The following DAB2IP variants were observed in gnomAD, a reference collection of about 807,000 sequenced individuals.
DAB2IP encodes disabled homolog 2-interacting protein.
In DAB2IP, 28 loss-of-function variants were observed where a neutral mutation model predicts 107.2. That is an observed-to-expected ratio of 0.26 (90% CI 0.19 to 0.36). The LOEUF is 0.36. Among genes scored for constraint, DAB2IP ranks in the 10% least tolerant of loss-of-function variants. The pLI is 1.00. For synonymous variants in DAB2IP, 755 were observed against 706.4 expected, an observed-to-expected ratio of 1.07 and a Z score of -1.09; for missense variants, 1,400 against 1,644.7, an observed-to-expected ratio of 0.85 and a Z score of 2.57.
rs868760004 is a variant in DAB2IP, at chr9:121,672,368, G to C, written c.125-6310G>C. Among the ~76,000 whole-genome samples, 10 of 152,266 alleles carry C rather than the reference G, an allele frequency of 6.6e-5. No individual in the cohort carries two copies. The South Asian group carries it at 2.1e-3, about 32-fold the overall frequency. On this transcript the variant is annotated intron_variant, in intron 1 of 15. Coordinates refer to ENST00000408936, the Ensembl canonical transcript of DAB2IP. ...CGATGCAACCCGACAACTGAAATTT[G>C]GTGTCTTGTCTGAAATTACAGGATG...
At chr9:121,596,564 C>T (rs1830535243) in intron 1 of DAB2IP, among the ~76,000 whole-genome samples, 1 of 152,098 alleles carries the variant, frequency 6.6e-6, no homozygotes. Flanking sequence ...TGATGTTCTG[C>T]AACATGTTCT....
chr9:121,642,039 C>CTTTCTTTCTTTA (rs1832363891), intron 1 of DAB2IP, among the ~76,000 whole-genome samples: 1 of 36,324 alleles, frequency 2.8e-5, no homozygotes, highest in East Asian at 1.1e-3. Flanking sequence ...CTCTTTCTTT[C>CTTTCTTTCTTTA]TTTCTTTCTT....
At chr9:121,649,347 C>G (rs1832657497), upstream of DAB2IP, among the ~76,000 whole-genome samples, 2 of 142,452 alleles carry the variant, frequency 1.4e-5, 1 homozygote, top group Non-Finnish European at 3.2e-5. Context: ...ACCTTTGGAG[C>G]CCAGCTGTGC....
intron 3 of DAB2IP, among the ~76,000 whole-genome samples, chr9:121,704,038 C>T (rs1829931410): frequency 6.6e-6 from 1 of 152,176 alleles, no homozygotes; most frequent in Admixed American, 6.5e-5. Flanking sequence ...TTCATTGTTC[C>T]ATCTTCCGTT....
chr9:121,781,411 C>T, intron 14 of DAB2IP, 53 bp from the exon 15 acceptor site: 1 of 1,577,074 alleles, frequency 6.3e-7, no homozygotes, highest in South Asian at 1.1e-5. Context: ...TCACACCCTC[C>T]CCACCTCTGC....
intron 3 of DAB2IP, among the ~76,000 whole-genome samples, chr9:121,749,112 C>T (rs1832921873): frequency 6.6e-6 from 1 of 152,202 alleles, no homozygotes; most frequent in Non-Finnish European, 1.5e-5. Flanking sequence ...CTGGGAGCCA[C>T]CAGGCGGCTG....
intron 1 of DAB2IP, among the ~76,000 whole-genome samples, chr9:121,677,279 G>A (rs1326308417): frequency 6.6e-6 from 1 of 152,206 alleles, no homozygotes; most frequent in Non-Finnish European, 1.5e-5. Flanking sequence ...AGCACTTTGG[G>A]AGGCCAAGGT....
At position 121,744,836 on chromosome 9, in the gene DAB2IP, G is replaced by C. The variant is rs138640674; in HGVS notation, c.363-12177G>C. Among the ~76,000 whole-genome samples the C allele has an allele frequency of 5.9e-3, 901 of 152,282 alleles. 12 individuals carry two copies. Among genetic ancestry groups the C allele is most frequent in the African/African-American group, 0.021 (861 of 41,564 alleles). On this transcript the variant is annotated intron_variant, in intron 3 of 15. Coordinates refer to ENST00000408936, the Ensembl canonical transcript of DAB2IP. Reference sequence around the variant, plus strand: ...AACCCTGGAGGGAGTTGTCAGTTCTGGGGGAGGCTTTGTGGAGGTGGTGGC... The same window carrying C: ...AACCCTGGAGGGAGTTGTCAGTTCTCGGGGAGGCTTTGTGGAGGTGGTGGC...
chr9:121,731,543 G>A (rs1157949213), intron 3 of DAB2IP, among the ~76,000 whole-genome samples: 2 of 152,220 alleles, frequency 1.3e-5, no homozygotes, highest in African/African-American at 2.4e-5. Flanking sequence ...GTTACATGGG[G>A]AAGTGGGAAC....
At chr9:121,781,518 T>C in exon 15 of DAB2IP, 1 of 1,614,032 alleles carries the variant, frequency 6.2e-7, no homozygotes, top group Non-Finnish European at 8.5e-7. Context: ...TGCAAGCGGC[T>C]GTGGACTCCA....
At chr9:121,712,356 C>G (rs1245210550) in intron 3 of DAB2IP, among the ~76,000 whole-genome samples, 1 of 152,210 alleles carries the variant, frequency 6.6e-6, no homozygotes, top group Non-Finnish European at 1.5e-5. Flanking sequence ...TGTTGTGGGG[C>G]TTAGCCCTCT....
intron 3 of DAB2IP, among the ~76,000 whole-genome samples, chr9:121,742,295 G>A (rs2118899171): frequency 6.6e-6 from 1 of 152,318 alleles, no homozygotes. Flanking sequence ...CAGGTGTGGT[G>A]GCCCATGCCT....
chr9:121,767,478 C>T (rs1443504610), intron 9 of DAB2IP, among the ~76,000 whole-genome samples: 1 of 152,178 alleles, frequency 6.6e-6, no homozygotes, highest in African/African-American at 2.4e-5. Flanking sequence ...ACATGATCCC[C>T]CAACTGCATG....
intron 1 of DAB2IP, among the ~76,000 whole-genome samples, chr9:121,627,206 C>A (rs1275231727): frequency 1.3e-5 from 2 of 151,636 alleles, no homozygotes; most frequent in Non-Finnish European, 2.9e-5. Context: ...GGAGATCATC[C>A]CACATATCCT....
intron 1 of DAB2IP, among the ~76,000 whole-genome samples, chr9:121,657,091 G>A (rs1277116552): frequency 1.3e-5 from 2 of 152,222 alleles, no homozygotes; most frequent in Non-Finnish European, 2.9e-5. Context: ...GATAGCTCAG[G>A]TGGGACCTCC....
intron 3 of DAB2IP, among the ~76,000 whole-genome samples, chr9:121,722,620 C>T (rs889843896): frequency 3.9e-5 from 6 of 152,116 alleles, no homozygotes; most frequent in Admixed American, 3.9e-4. Flanking sequence ...GTAGAGTAGA[C>T]AGCCACACAG....
At chr9:121,690,615 TG>T (rs1246740709) in intron 2 of DAB2IP, among the ~76,000 whole-genome samples, 2 of 152,218 alleles carry the variant, frequency 1.3e-5, no homozygotes, top group Admixed American at 6.5e-5. Context: ...AATGCGTAAC[TG>T]GTTTCTGTTC....
At chr9:121,770,427 G>C (rs528535333) in intron 10 of DAB2IP, 119 bp from the exon 11 acceptor site, 4 of 1,133,022 alleles carry the variant, frequency 3.5e-6, no homozygotes, top group Middle Eastern at 5.3e-4. Flanking sequence ...CTGGCAGCAG[G>C]TGGGGATCTG....
chr9:121,724,903 G>A (rs113749015), intron 3 of DAB2IP, among the ~76,000 whole-genome samples: 1 of 152,140 alleles, frequency 6.6e-6, no homozygotes, highest in African/African-American at 2.4e-5. Context: ...GGATTGAGGG[G>A]TGAGGCCAAG....
Sources: allele counts gnomAD v4.1 joint callset (sites outside exome capture counted in the v4.1 genomes callset), GRCh38; gene constraint gnomAD v4.1.1; transcripts MANE v1.5; gene names NCBI Gene and HGNC (gene_info 2026-07-23, HGNC 2026-07-21).